The following DSG3 variants were observed in gnomAD, a reference collection of about 807,000 sequenced individuals.
DSG3 encodes the protein desmoglein 3, also known as desmoglein-3.
In DSG3, 63 loss-of-function variants were observed where a neutral mutation model predicts 85.9. The ratio of observed to expected loss-of-function variants is 0.73; its 90% confidence interval spans 0.60 to 0.90. DSG3 has a LOEUF of 0.90. DSG3 is among the 40% of genes least tolerant of loss of function. DSG3 has a pLI of 0.00. For missense variants in DSG3, 1,220 were observed against 1,219.9 expected, an observed-to-expected ratio of 1.00 and a Z score of 0.00; for synonymous variants, 447 against 441.9, an observed-to-expected ratio of 1.01 and a Z score of -0.14.
chr18:31,468,452 G>C (rs1472425686), intron 11 of DSG3, among the ~76,000 whole-genome samples: 1 of 152,188 alleles, frequency 6.6e-6, no homozygotes, highest in Non-Finnish European at 1.5e-5. Context: ...ATCTTCTTTA[G>C]TGGGAAAAGC....
In DSG3 at chr18:31,476,241, C is replaced by T; in HGVS notation, c.2981C>T (p.Pro994Leu). ...CATACTATGCTCTGTACAGAGGATC[C>T]TTGCTCCCGTCTAATATGACCAGAA... ...GSHTMLCTED[P>L]CSRLI Residue 994 changes from proline (P) to leucine (L), a missense_variant, in exon 16 of 16, where the codon CCT becomes CTT. Transcript: ENST00000257189. 1 of 1,610,956 alleles carries T rather than the reference C, an allele frequency of 6.2e-7. No individual in the cohort carries two copies. Among genetic ancestry groups the T allele is most frequent in the Non-Finnish European group, 8.5e-7 (1 of 1,178,202 alleles).
rs187910313 is a variant in DSG3 at position 31,459,472 on chromosome 18, G to A, written c.517+295G>A. Among the ~76,000 whole-genome samples, 753 of 152,264 alleles carry A rather than the reference G, an allele frequency of 4.9e-3. 5 individuals carry two copies. Among genetic ancestry groups the A allele is most frequent in the African/African-American group, 0.016 (675 of 41,556 alleles). On this transcript the variant is annotated intron_variant, in intron 5 of 15. Transcript: ENST00000257189. The stretch of plus-strand genomic sequence containing the variant: ...CACAAAGCTAAACAGGCAGCCTTGG[G>A]TAGCCTGGATGCATCAGCTGGGCTC...
chr18:31,473,632 T>C (rs2072868685), intron 14 of DSG3, among the ~76,000 whole-genome samples: 1 of 152,228 alleles, frequency 6.6e-6, no homozygotes, highest in South Asian at 2.1e-4. Flanking sequence ...TAACTTTCCA[T>C]GAAAGCATAA....
intron 10 of DSG3, among the ~76,000 whole-genome samples, chr18:31,465,796 G>A (rs2072814516): frequency 6.6e-6 from 1 of 152,122 alleles, no homozygotes; most frequent in Admixed American, 6.5e-5. Flanking sequence ...TTGAACGTCA[G>A]GTGCTTTTGT....
rs770076439 is a variant in DSG3, at chr18:31,459,061, G to A, written c.401G>A (p.Gly134Glu). The change falls in exon 5 of 16, where the codon GGA becomes GAA. Residue 134 changes from glycine to glutamate, a missense_variant. By Grantham distance (98) the Gly-to-Glu change is moderately conservative. Coordinates refer to ENST00000257189, the MANE Select transcript of DSG3 (RefSeq NM_001944.3). The stretch of plus-strand genomic sequence containing the variant: ...ACATGTCGGGCTCTAAATGCCCAAG[G>A]ACTAGATGTAGAGAAACCACTTATA... ...LITCRALNAQ[G>E]LDVEKPLILT... 4 of 1,613,734 alleles carry A rather than the reference G, an allele frequency of 2.5e-6. No homozygotes were observed. The highest frequency in any genetic ancestry group is 3.4e-6 in the Non-Finnish European group (4 of 1,179,948).
Position 31,459,983 on chromosome 18 carries a change from G to A in DSG3, c.656G>A (p.Arg219His), listed in dbSNP as rs150764801. ...FLLSRNTGEVRTLTNSLDREQ... is the reference protein window; with the variant it reads ...FLLSRNTGEVHTLTNSLDREQ... ...CTAAGCAGAAACACTGGGGAAGTCCGTACTTTGACCAATTCTCTTGACCGA... is the reference window on the plus strand; with the variant it reads ...CTAAGCAGAAACACTGGGGAAGTCCATACTTTGACCAATTCTCTTGACCGA... Residue 219 changes from arginine (R) to histidine (H), a missense_variant, in exon 6 of 16, where the codon CGT (arginine) becomes CAT (histidine). Coordinates refer to ENST00000257189, the MANE Select transcript of DSG3 (RefSeq NM_001944.3). 33 of 1,613,746 alleles carry A rather than the reference G, an allele frequency of 2.0e-5. No homozygotes were observed. The highest frequency in any genetic ancestry group is 9.9e-5 in the South Asian group (9 of 91,028).
rs2072765092 is a variant in DSG3 at position 31,458,730 on chromosome 18, A to G, written c.372+130A>G. On this transcript the variant is annotated intron_variant, in intron 4 of 15. Transcript: ENST00000257189. ...CATCAGTCCACCAGCAAATAACAAT[A>G]TTAGTCCCTCCACAGAGCCTCGCCT... 3 of 1,095,948 alleles carry G rather than the reference A, an allele frequency of 2.7e-6. No individual in the cohort carries two copies. In the East Asian group the frequency reaches 7.6e-5, roughly 28 times the overall value. 67.9% of individuals were successfully genotyped at this position (1,095,948 alleles called of 1,614,324 possible). A position where few individuals can be genotyped will look rare whatever the true frequency, so the allele number is the denominator to read the frequency against.
Position 31,476,978 on chromosome 18 carries a change from A to AAAG in DSG3, c.*720_*721insGAA, listed in dbSNP as rs1246917804. On this transcript the variant is annotated 3_prime_UTR_variant, in exon 16 of 16. Transcript: ENST00000257189. ...GAGACTCCGTCTCAAAAAAAAAAAA[A>AAAG]AAAAAAGAATCACAAGGTATTTGCT... 6.6e-6 allele frequency: 1 copy of AAAG among 151,990 alleles called. No individual in the cohort carries two copies. The highest frequency in any genetic ancestry group is 1.5e-5 in the Non-Finnish European group (1 of 68,018). The allele number at this position is 151,990 out of a possible 1,614,324, so 9.4% of individuals were successfully genotyped here.
chr18:31,448,329 C>G (rs1031963229), intron 1 of DSG3, among the ~76,000 whole-genome samples: 1 of 152,270 alleles, frequency 6.6e-6, no homozygotes, highest in Non-Finnish European at 1.5e-5. Context: ...GCTAAGAACT[C>G]TACACGCCTG....
intron 1 of DSG3, among the ~76,000 whole-genome samples, chr18:31,448,641 C>T (rs572557917): frequency 1.3e-3 from 183 of 144,696 alleles, no homozygotes; most frequent in African/African-American, 4.6e-3. Flanking sequence ...TACTCCTTAA[C>T]TGTGTTCTTA....
At position 31,469,151 on chromosome 18, in the gene DSG3, G is replaced by T; in HGVS notation, c.1699G>T (p.Val567Leu). The T allele has an allele frequency of 6.2e-7, 1 of 1,614,152 alleles. No homozygotes were observed. The highest frequency in any genetic ancestry group is 2.2e-5 in the East Asian group (1 of 44,876). ...TCCTGGAGTATACCACATCTCCCTG[G>T]TACTTACAGACAGTCAGAACAATCG... ...IPPGVYHISL[V>L]LTDSQNNRCE... Residue 567 changes from valine to leucine, a missense_variant, in exon 12 of 16, where the codon GTA becomes TTA. Physicochemically the swap from Val to Leu is conservative, Grantham distance 32. Transcript: ENST00000257189.
intron 8 of DSG3, among the ~76,000 whole-genome samples, chr18:31,463,896 A>G (rs2072800740): frequency 6.6e-6 from 1 of 152,166 alleles, no homozygotes; most frequent in Non-Finnish European, 1.5e-5. Flanking sequence ...TCTAGTCTGA[A>G]AGAGGTACCC....
In DSG3 at chr18:31,458,698, G is replaced by C. The variant is rs1485816824; in HGVS notation, c.372+98G>C. 5 of 1,340,904 alleles carry C rather than the reference G, an allele frequency of 3.7e-6. No individual in the cohort carries two copies. The African/African-American group carries it at 7.4e-5, about 20-fold the overall frequency. The allele number at this position is 1,340,904 out of a possible 1,614,324, so 83.1% of individuals were successfully genotyped here. A position where few individuals can be genotyped will look rare whatever the true frequency, so the allele number is the denominator to read the frequency against. Reference sequence around the variant, plus strand: ...ACTGGTAAATTTAGAGGAGAGTTCAGTACATGCATCAGTCCACCAGCAAAT... The same window carrying C: ...ACTGGTAAATTTAGAGGAGAGTTCACTACATGCATCAGTCCACCAGCAAAT... On this transcript the variant is annotated intron_variant, in intron 4 of 15. Coordinates refer to ENST00000257189, the MANE Select transcript of DSG3 (RefSeq NM_001944.3).
chr18:31,463,144 G>A lies in DSG3; in HGVS notation c.1000-967G>A, dbSNP rs192852681. 3.3e-5 allele frequency among the ~76,000 whole-genome samples: 5 copies of A among 152,174 alleles called. No homozygotes were observed. In the East Asian group the frequency reaches 7.7e-4, roughly 24 times the overall value. ...TTCACCTATGCCTGGATAATTTCCC[G>A]GCATCCTTCAACACTCAGCTTAGAT... On this transcript the variant is annotated intron_variant, in intron 8 of 15. Transcript: ENST00000257189.
chr18:31,459,327 C>T (rs1270191383), intron 5 of DSG3, 150 bp downstream of exon 5: 2 of 775,426 alleles, frequency 2.6e-6, no homozygotes, highest in Non-Finnish European at 4.0e-6. Flanking sequence ...TCTGGGTCTT[C>T]CTTTCTAAAA....
At chr18:31,474,091 A>T in intron 14 of DSG3, 30 bp from the exon 15 acceptor site, 1 of 1,595,608 alleles carries the variant, frequency 6.3e-7, no homozygotes, top group Non-Finnish European at 8.6e-7. Context: ...ACAGCATAAG[A>T]TATTACAGAA....
intron 1 of DSG3, among the ~76,000 whole-genome samples, chr18:31,450,031 A>G (rs2144257933): frequency 6.6e-6 from 1 of 152,348 alleles, no homozygotes; most frequent in South Asian, 2.1e-4. Flanking sequence ...AGTTAACCGT[A>G]TTGTTAAAAT....
At chr18:31,472,895 T>C in intron 14 of DSG3, 107 bp downstream of exon 14, 1 of 953,914 alleles carries the variant, frequency 1.0e-6, no homozygotes, top group South Asian at 1.5e-5. Context: ...TGTGTGCACA[T>C]GTCAGGAGCT....
At position 31,447,884 on chromosome 18, in the gene DSG3, G is replaced by A. The variant is rs1335113524; in HGVS notation, c.7G>A (p.Gly3Arg). 1.3e-6 allele frequency: 2 copies of A among 1,590,588 alleles called. No individual in the cohort carries two copies. Among genetic ancestry groups the A allele is most frequent in the East Asian group, 4.7e-5 (2 of 42,188 alleles). MMGLFPRTTGALA... is the reference protein window; with the variant it reads MMRLFPRTTGALA... ...ACCAGGGAAATCAGAGACAATGATG[G>A]GGCTCTTCCCCAGAACTACAGGGGC... Residue 3 changes from glycine to arginine, a missense_variant, in exon 1 of 16, where the codon GGG becomes AGG. Transcript: ENST00000257189.
Sources: allele counts gnomAD v4.1 joint callset (sites outside exome capture counted in the v4.1 genomes callset), GRCh38; gene constraint gnomAD v4.1.1; transcripts MANE v1.5; gene names NCBI Gene and HGNC (gene_info 2026-07-23, HGNC 2026-07-21).